The following DNAJC16 variants were observed in gnomAD, a reference collection of about 807,000 sequenced individuals.
DNAJC16 encodes dnaJ homolog subfamily C member 16.
In DNAJC16, 76 loss-of-function variants were observed where a neutral mutation model predicts 92.7. The observed-to-expected ratio is 0.82, with a 90% CI of 0.68 to 0.99. The LOEUF is 0.99. Ranked by LOEUF, DNAJC16 falls within the 50% of genes least tolerant of loss-of-function variation. The probability of loss-of-function intolerance (pLI) is 0.00; values close to 1 mark genes in which losing one functional copy is unlikely to be tolerated. For missense variants in DNAJC16, 869 were observed against 942.4 expected, an observed-to-expected ratio of 0.92 and a Z score of 1.02; for synonymous variants, 328 against 358.7, an observed-to-expected ratio of 0.91 and a Z score of 0.97.
chr1:15,529,609 A>G (rs1451078261), intron 2 of DNAJC16, among the ~76,000 whole-genome samples: 1 of 151,782 alleles, frequency 6.6e-6, no homozygotes, highest in Non-Finnish European at 1.5e-5. Context: ...CCCATGATAC[A>G]TTATTCATAA....
In DNAJC16 at chr1:15,567,829, G is replaced by T; in HGVS notation, c.2001G>T (p.Trp667Cys). Residue 667 changes from tryptophan to cysteine, a missense_variant, in exon 15 of 15, where the codon TGG (tryptophan) becomes TGT (cysteine). Transcript: ENST00000375847. ...TGAGTCTAGATAAACACAGAGAATG[G>T]CTAGAATACTTACTAGAATTTGCTC... ...SFLSLDKHRE[W>C]LEYLLEFAQD... 6.2e-7 allele frequency: 1 copy of T among 1,614,142 alleles called. No individual in the cohort carries two copies. The highest frequency in any genetic ancestry group is 8.5e-7 in the Non-Finnish European group (1 of 1,180,002).
intron 2 of DNAJC16, 73 bp downstream of exon 2, chr1:15,529,345 C>G: frequency 1.4e-6 from 2 of 1,426,710 alleles, no homozygotes; most frequent in Non-Finnish European, 1.9e-6. Context: ...TAAATTATGA[C>G]TAGCTTTTAT....
chr1:15,546,883 GCTAGGA>G lies in DNAJC16; in HGVS notation c.864+13_864+18del. 1 of 1,520,916 alleles carries G rather than the reference GCTAGGA, an allele frequency of 6.6e-7. No individual in the cohort carries two copies. The highest frequency in any genetic ancestry group is 8.9e-7 in the Non-Finnish European group (1 of 1,122,676). The allele number at this position is 1,520,916 out of a possible 1,614,324, so 94.2% of individuals were successfully genotyped here. A position where few individuals can be genotyped will look rare whatever the true frequency, so the allele number is the denominator to read the frequency against. ...CACTGTTATACAAGGTACTTTCTAT[GCTAGGA>G]TAATGGTTTCTTTTTCTTTTCTTTT... On this transcript the variant is annotated intron_variant, in intron 6 of 14. Coordinates refer to ENST00000375847, the MANE Select transcript of DNAJC16 (RefSeq NM_015291.4).
At position 15,568,832 on chromosome 1, in the gene DNAJC16, A is replaced by G. The variant is rs1297693011; in HGVS notation, c.*655A>G. ...TGCATGTGAGTTCTCAAGAAAAGGA[A>G]AGGGAGGCTGAGCAGTGGCTGAAGC... On this transcript the variant is annotated 3_prime_UTR_variant, in exon 15 of 15. Transcript: ENST00000375847. 5.0e-6 allele frequency: 2 copies of G among 397,590 alleles called. No homozygotes were observed. Among genetic ancestry groups the G allele is most frequent in the Non-Finnish European group, 8.9e-6 (2 of 225,740 alleles). The allele number at this position is 397,590 out of a possible 1,614,324, so 24.6% of individuals were successfully genotyped here. A position where few individuals can be genotyped will look rare whatever the true frequency, so the allele number is the denominator to read the frequency against.
intron 4 of DNAJC16, among the ~76,000 whole-genome samples, chr1:15,541,907 C>T (rs1329663830): frequency 2.0e-5 from 3 of 152,132 alleles, no homozygotes; most frequent in East Asian, 1.9e-4. Context: ...CTTTTGCTCT[C>T]GTATTTGATC....
At chr1:15,546,894 G>C in intron 6 of DNAJC16, 23 bp downstream of exon 6, 1 of 1,427,798 alleles carries the variant, frequency 7.0e-7, no homozygotes, top group Non-Finnish European at 9.5e-7. Flanking sequence ...CTAGGATAAT[G>C]GTTTCTTTTT....
At position 15,536,539 on chromosome 1, in the gene DNAJC16, G is replaced by T. The variant is rs1710791209; in HGVS notation, c.299G>T (p.Gly100Val). 1.2e-6 allele frequency: 2 copies of T among 1,614,098 alleles called. No individual in the cohort carries two copies. The highest frequency in any genetic ancestry group is 1.7e-5 in the Admixed American group (1 of 60,012). ...DQYGDAGENQ[G>V]YQKQQQQREY... ...TATGGAGACGCTGGAGAGAACCAGGGCTACCAGAAGCAGCAACAGCAGCGA... is the reference window on the plus strand; with the variant it reads ...TATGGAGACGCTGGAGAGAACCAGGTCTACCAGAAGCAGCAACAGCAGCGA... Residue 100 changes from glycine to valine, a missense_variant, in exon 4 of 15, where the codon GGC (glycine) becomes GTC (valine). Coordinates refer to ENST00000375847, the MANE Select transcript of DNAJC16 (RefSeq NM_015291.4).
At chr1:15,536,432 A>G (rs775012752) in intron 3 of DNAJC16, 43 bp from the exon 4 acceptor site, 50 of 1,486,452 alleles carry the variant, frequency 3.4e-5, no homozygotes, top group Non-Finnish European at 4.4e-5. Flanking sequence ...AGTCTTTTGG[A>G]TGAACCTTTT....
intron 2 of DNAJC16, among the ~76,000 whole-genome samples, chr1:15,532,646 T>C (rs1710684685): frequency 6.6e-6 from 1 of 152,154 alleles, no homozygotes; most frequent in East Asian, 1.9e-4. Flanking sequence ...TAATTTTTGA[T>C]CCACTCAGTC....
intron 2 of DNAJC16, among the ~76,000 whole-genome samples, chr1:15,533,186 A>G (rs1354821648): frequency 6.6e-6 from 1 of 152,232 alleles, no homozygotes; most frequent in Non-Finnish European, 1.5e-5. Context: ...CCTAGCCCTT[A>G]CTATCGAGAA....
At chr1:15,549,457 A>C (rs1452929783) in intron 7 of DNAJC16, among the ~76,000 whole-genome samples, 2 of 152,150 alleles carry the variant, frequency 1.3e-5, no homozygotes, top group Admixed American at 1.3e-4. Context: ...CCCCTTTTTC[A>C]GTTTCTGAGG....
chr1:15,544,151 TACACACACACACAC>T (rs148744006), intron 4 of DNAJC16, among the ~76,000 whole-genome samples: 4 of 137,192 alleles, frequency 2.9e-5, no homozygotes, highest in African/African-American at 1.1e-4. Context: ...TGTATATGCA[TACACACACACACAC>T]ACACACACAC....
chr1:15,550,604 G>A (rs186921650), intron 7 of DNAJC16, among the ~76,000 whole-genome samples: 1 of 152,322 alleles, frequency 6.6e-6, no homozygotes, highest in African/African-American at 2.4e-5. Flanking sequence ...GAGTTCTCTA[G>A]GACAGCAGTT....
At chr1:15,554,653 T>G (rs1220848082) in intron 7 of DNAJC16, among the ~76,000 whole-genome samples, 1 of 151,872 alleles carries the variant, frequency 6.6e-6, no homozygotes, top group Admixed American at 6.5e-5. Flanking sequence ...TATATTGGTC[T>G]TTTGTACTTT....
chr1:15,552,170 C>T (rs112119652), intron 7 of DNAJC16, among the ~76,000 whole-genome samples: 8 of 151,944 alleles, frequency 5.3e-5, no homozygotes, highest in African/African-American at 1.9e-4. Flanking sequence ...CTGCACCCAG[C>T]CCGTTCTTTT....
chr1:15,564,947 G>C (rs1638776543), intron 11 of DNAJC16, among the ~76,000 whole-genome samples: 1 of 151,734 alleles, frequency 6.6e-6, no homozygotes, highest in Non-Finnish European at 1.5e-5. Context: ...CGATTCTCCT[G>C]TCTCAGCCTC....
rs755341890 is a variant in DNAJC16, at chr1:15,565,929, A to G, written c.1609A>G (p.Met537Val). The G allele has an allele frequency of 2.5e-6, 4 of 1,613,632 alleles. No homozygotes were observed. The highest frequency in any genetic ancestry group is 1.1e-5 in the South Asian group (1 of 91,046). ...TTAATTTGGTTTTAGGAGGGAAATGATGCCCCTGCTGTCCCTGATCTTCTC... is the reference window on the plus strand; with the variant it reads ...TTAATTTGGTTTTAGGAGGGAAATGGTGCCCCTGCTGTCCCTGATCTTCTC... ...SIFHNNWREMMPLLSLIFSAL... is the reference protein window; with the variant it reads ...SIFHNNWREMVPLLSLIFSAL... Residue 537 changes from methionine (M) to valine (V), a missense_variant, in exon 12 of 15, where the codon ATG becomes GTG. Transcript: ENST00000375847.
chr1:15,546,910 CTTTTCT>C, intron 6 of DNAJC16, 39 bp downstream of exon 6: 1 of 1,034,738 alleles, frequency 9.7e-7, no homozygotes, highest in Non-Finnish European at 1.3e-6. Flanking sequence ...TTTTTCTTTT[CTTTTCT>C]TTTTTTTTTT....
At position 15,567,189 on chromosome 1, in the gene DNAJC16, G is replaced by C. The variant is rs764517578; in HGVS notation, c.1869G>C (p.Met623Ile). The stretch of plus-strand genomic sequence containing the variant: ...TGGTACGTCTGAGGCCAGGCCACAT[G>C]AATGTGGTCCTCATCCTGTCGAATT... ...SNLVRLRPGHMNVVLILSNST... is the reference protein window; with the variant it reads ...SNLVRLRPGHINVVLILSNST... The change falls in exon 14 of 15, where the codon ATG (methionine) becomes ATC (isoleucine). Residue 623 changes from methionine to isoleucine, a missense_variant. Coordinates refer to ENST00000375847, the MANE Select transcript of DNAJC16 (RefSeq NM_015291.4). 41 of 1,613,990 alleles carry C rather than the reference G, an allele frequency of 2.5e-5. No homozygotes were observed. The South Asian group carries it at 4.1e-4, about 16-fold the overall frequency.
Sources: allele counts gnomAD v4.1 joint callset (sites outside exome capture counted in the v4.1 genomes callset), GRCh38; gene constraint gnomAD v4.1.1; transcripts MANE v1.5; gene names NCBI Gene and HGNC (gene_info 2026-07-23, HGNC 2026-07-21).